STK33: variants seen among roughly 807,000 people sequenced by gnomAD.
The protein encoded by STK33 is serine/threonine kinase 33, also known as serine/threonine-protein kinase 33.
In STK33, 52 loss-of-function variants were observed where a neutral mutation model predicts 58.0. That is an observed-to-expected ratio of 0.90 (90% CI 0.72 to 1.13). The LOEUF is 1.13. Ranked by LOEUF, STK33 falls within the 50% of genes most tolerant of loss-of-function variation. The pLI is 0.00. For missense variants in STK33, 630 were observed against 604.2 expected, an observed-to-expected ratio of 1.04 and a Z score of -0.45; for synonymous variants, 215 against 200.1, an observed-to-expected ratio of 1.07 and a Z score of -0.63.
the STK33 span, among the ~76,000 whole-genome samples, chr11:8,342,708 A>G: frequency 1.3e-5 from 2 of 152,292 alleles, no homozygotes; most frequent in East Asian, 1.9e-4. Context: ...TGAGGAACAT[A>G]AGACACAGAG....
chr11:8,506,662 G>A (rs1381168871), intron 1 of STK33, among the ~76,000 whole-genome samples: 1 of 151,992 alleles, frequency 6.6e-6, no homozygotes, highest in South Asian at 2.1e-4. Context: ...AATTAATTCT[G>A]CAATGTCTCT....
At chr11:8,521,580 A>G (rs569758575) in intron 1 of STK33, among the ~76,000 whole-genome samples, 6 of 152,300 alleles carry the variant, frequency 3.9e-5, no homozygotes, top group African/African-American at 1.4e-4. Flanking sequence ...AGACTTCATG[A>G]CTAAGACACC....
chr11:8,417,031 G>A (rs1262400159), intron 14 of STK33, among the ~76,000 whole-genome samples: 1 of 152,142 alleles, frequency 6.6e-6, no homozygotes, highest in African/African-American at 2.4e-5. Flanking sequence ...TAGTTCAACA[G>A]AAATTACAAA....
intron 1 of STK33, among the ~76,000 whole-genome samples, chr11:8,491,309 G>A (rs887589597): frequency 2.6e-5 from 4 of 152,346 alleles, no homozygotes; most frequent in African/African-American, 4.8e-5. Flanking sequence ...ACAAGCTTCA[G>A]TAGCCGATTT....
chr11:8,430,829 C>G (rs530615461), intron 14 of STK33, among the ~76,000 whole-genome samples: 11 of 151,726 alleles, frequency 7.2e-5, no homozygotes, highest in African/African-American at 1.7e-4. Flanking sequence ...TGAGTAAATC[C>G]CCAAGTGTCC....
chr11:8,353,009 T>C, the STK33 span, among the ~76,000 whole-genome samples: 2 of 152,194 alleles, frequency 1.3e-5, no homozygotes, highest in Non-Finnish European at 2.9e-5. Context: ...CGCGTGCTGC[T>C]AGCTGACGGG....
At position 8,413,625 on chromosome 11, in the gene STK33, G is replaced by A. The variant is rs1337092855; in HGVS notation, c.1214C>T (p.Pro405Leu). The change falls in exon 15 of 16, where the codon CCA becomes CTA. Residue 405 changes from proline to leucine, a missense_variant. Physicochemically the swap from Pro to Leu is moderately conservative, Grantham distance 98. Coordinates refer to ENST00000687296, the MANE Select transcript of STK33 (RefSeq NM_001352389.2). Reference sequence around the variant, plus strand: ...TGTTGTGTTTTCCTCAACACTTTCTGGGTTATTTTTCCATTCCTTCATCAT... The same window carrying A: ...TGTTGTGTTTTCCTCAACACTTTCTAGGTTATTTTTCCATTCCTTCATCAT... ...LEMMKEWKNN[P>L]ESVEENTTEE... 2 of 1,613,822 alleles carry A rather than the reference G, an allele frequency of 1.2e-6. No individual in the cohort carries two copies. Among genetic ancestry groups the A allele is most frequent in the Non-Finnish European group, 1.7e-6 (2 of 1,179,962 alleles).
At chr11:8,548,930 T>C (rs973589510) in intron 1 of STK33, among the ~76,000 whole-genome samples, 32 of 152,210 alleles carry the variant, frequency 2.1e-4, no homozygotes, top group Non-Finnish European at 4.0e-4. Flanking sequence ...TTGTTCACTG[T>C]TGGTGTATAA....
chr11:8,408,333 G>A (rs1379207181), intron 15 of STK33, among the ~76,000 whole-genome samples: 2 of 152,230 alleles, frequency 1.3e-5, no homozygotes, highest in Non-Finnish European at 2.9e-5. Flanking sequence ...GCCCTAAGGG[G>A]AGCTGAGCAA....
chr11:8,425,349 C>G (rs1433032028), intron 14 of STK33, among the ~76,000 whole-genome samples: 3 of 152,148 alleles, frequency 2.0e-5, no homozygotes, highest in Non-Finnish European at 2.9e-5. Context: ...GTCTACATCT[C>G]TGTTTTGCTA....
chr11:8,519,531 C>CA (rs1229663370), intron 1 of STK33, among the ~76,000 whole-genome samples: 4 of 151,784 alleles, frequency 2.6e-5, no homozygotes, highest in Non-Finnish European at 5.9e-5. Flanking sequence ...AAAAACCCTT[C>CA]AAAAAAATCA....
intron 14 of STK33, among the ~76,000 whole-genome samples, chr11:8,421,768 C>G (rs891766507): frequency 6.6e-6 from 1 of 151,958 alleles, no homozygotes; most frequent in Non-Finnish European, 1.5e-5. Context: ...TAACTTTCCC[C>G]AAGGAGGTCT....
intron 1 of STK33, among the ~76,000 whole-genome samples, chr11:8,526,381 A>C (rs1262759123): frequency 3.3e-5 from 5 of 151,996 alleles, no homozygotes; most frequent in African/African-American, 1.2e-4. Context: ...AACAGAGGGA[A>C]ACTCGATCTC....
chr11:8,439,459 A>C (rs1396893882), intron 12 of STK33, among the ~76,000 whole-genome samples: 3 of 152,106 alleles, frequency 2.0e-5, no homozygotes, highest in Admixed American at 1.3e-4. Context: ...GTTTTGCATG[A>C]TACCTTAAAA....
intron 1 of STK33, among the ~76,000 whole-genome samples, chr11:8,511,888 A>C (rs780152309): frequency 7.9e-5 from 12 of 152,162 alleles, no homozygotes; most frequent in Non-Finnish European, 1.5e-4. Context: ...TATTTTGTTG[A>C]AGATTTTTGC....
At chr11:8,374,839 A>G in the STK33 span, among the ~76,000 whole-genome samples, 50 of 152,152 alleles carry the variant, frequency 3.3e-4, no homozygotes, top group Admixed American at 3.0e-3. Context: ...CAGTGGACAC[A>G]TATTCCCCAA....
chr11:8,485,247 C>T (rs1360015052), intron 1 of STK33, among the ~76,000 whole-genome samples: 1 of 152,062 alleles, frequency 6.6e-6, no homozygotes, highest in African/African-American at 2.4e-5. Context: ...AATATAAAGT[C>T]TAAAAATATG....
intron 1 of STK33, among the ~76,000 whole-genome samples, chr11:8,585,208 C>T (rs1246938449): frequency 7.0e-6 from 1 of 142,542 alleles, no homozygotes; most frequent in African/African-American, 2.6e-5. Context: ...CAGGTGTGAG[C>T]CACTGCACCC....
chr11:8,346,139 C>T, the STK33 span, among the ~76,000 whole-genome samples: 1 of 152,130 alleles, frequency 6.6e-6, no homozygotes, highest in African/African-American at 2.4e-5. Flanking sequence ...AGAGTGGTGT[C>T]GTGCCCTGGA....
Sources: allele counts gnomAD v4.1 joint callset (sites outside exome capture counted in the v4.1 genomes callset), GRCh38; gene constraint gnomAD v4.1.1; transcripts MANE v1.5; gene names NCBI Gene and HGNC (gene_info 2026-07-23, HGNC 2026-07-21).